The following MRTFB variants were observed in gnomAD, a reference collection of about 807,000 sequenced individuals.
The protein encoded by MRTFB is myocardin-related transcription factor B.
In MRTFB, 29 loss-of-function variants were observed where a neutral mutation model predicts 104.2. The observed-to-expected ratio is 0.28, with a 90% CI of 0.21 to 0.38. The LOEUF (loss-of-function observed/expected upper bound fraction) is 0.38. MRTFB is among the 10% of genes least tolerant of loss of function. MRTFB has a pLI of 1.00. For synonymous variants in MRTFB, 535 were observed against 519.5 expected (o/e 1.03, Z -0.41); for missense variants, 1,270 against 1,341.6 (o/e 0.95, Z 0.83).
the MRTFB span, among the ~76,000 whole-genome samples, chr16:14,036,535 A>T: frequency 8.7e-5 from 13 of 148,834 alleles, no homozygotes; most frequent in African/African-American, 2.7e-4. Flanking sequence ...TGTTGAAATT[A>T]TACATTCCAT....
intron 2 of MRTFB, among the ~76,000 whole-genome samples, chr16:14,140,305 G>T (rs751684285): frequency 1.3e-5 from 2 of 151,998 alleles, no homozygotes; most frequent in African/African-American, 2.4e-5. Context: ...TTAATCTGTG[G>T]TATTAAAAAA....
chr16:14,258,162 G>T lies in MRTFB; in HGVS notation c.2764+1G>T. 6.2e-7 allele frequency: 1 copy of T among 1,613,484 alleles called. No homozygotes were observed. Among genetic ancestry groups the T allele is most frequent in the Non-Finnish European group, 8.5e-7 (1 of 1,179,530 alleles). On this transcript the variant is annotated splice_donor_variant, in intron 16 of 16. Coordinates refer to ENST00000571589, the MANE Select transcript of MRTFB (RefSeq NM_001308142.2). LOFTEE classifies it high-confidence loss of function. The stretch of plus-strand genomic sequence containing the variant: ...TTTGATATCCTCATTAAGAGTGGAG[G>T]TAAGTCAAAAGTCACATCAGATCCT...
rs1254812294 is a variant in MRTFB, at chr16:14,074,423, C to CA, written c.-129+3062dup. 8.5e-5 allele frequency among the ~76,000 whole-genome samples: 13 copies of CA among 152,172 alleles called. No individual in the cohort carries two copies. In the South Asian group the frequency reaches 2.3e-3, roughly 27 times the overall value. On this transcript the variant is annotated intron_variant, in intron 1 of 16. Transcript: ENST00000571589. ...CATAGGGGATAGATTGTTGAATGGA[C>CA]AAAAGTTCATGCTTTTATGAAGTTT...
intron 2 of MRTFB, among the ~76,000 whole-genome samples, chr16:14,127,930 T>TATATATATATATATATATATATATA (rs1491428460): frequency 3.2e-5 from 1 of 31,680 alleles, no homozygotes. Flanking sequence ...TATATATATA[T>TATATATATATATATATATATATATA]TTTTTTTTTT....
the MRTFB span, among the ~76,000 whole-genome samples, chr16:14,058,225 C>T: frequency 4.6e-5 from 7 of 152,222 alleles, no homozygotes; most frequent in East Asian, 9.6e-4. Context: ...GAACTCATTT[C>T]GCGAATTCCA....
intron 2 of MRTFB, among the ~76,000 whole-genome samples, chr16:14,104,794 G>A (rs1034810273): frequency 1.3e-5 from 2 of 152,164 alleles, no homozygotes; most frequent in East Asian, 3.8e-4. Context: ...CATTTTCACG[G>A]AATAGCTATT....
intron 6 of MRTFB, among the ~76,000 whole-genome samples, 183 bp downstream of exon 6, chr16:14,213,803 C>G (rs760470203): frequency 5.9e-5 from 9 of 152,164 alleles, no homozygotes; most frequent in African/African-American, 9.7e-5. Context: ...AGGTTTGATT[C>G]TTCACATAAC....
chr16:14,171,939 GTCCT>G (rs760823183), intron 3 of MRTFB, among the ~76,000 whole-genome samples: 3 of 152,104 alleles, frequency 2.0e-5, no homozygotes, highest in South Asian at 4.1e-4. Context: ...GGTTGATTCT[GTCCT>G]TCCTTCAGCA....
chr16:14,118,765 A>C (rs182177437), intron 2 of MRTFB, among the ~76,000 whole-genome samples: 8 of 152,010 alleles, frequency 5.3e-5, no homozygotes, highest in Admixed American at 3.3e-4. Context: ...ACACATATAT[A>C]TATAAACTAT....
intron 3 of MRTFB, among the ~76,000 whole-genome samples, chr16:14,185,115 T>C (rs1194260503): frequency 6.6e-6 from 1 of 152,216 alleles, no homozygotes; most frequent in Non-Finnish European, 1.5e-5. Flanking sequence ...AACAGAACGT[T>C]TGAGGGCATT....
chr16:14,204,682 T>C (rs2040863507), intron 3 of MRTFB, among the ~76,000 whole-genome samples: 1 of 152,206 alleles, frequency 6.6e-6, no homozygotes, highest in Non-Finnish European at 1.5e-5. Context: ...AAACTGTAAA[T>C]GTTAGCCCTA....
At chr16:14,231,159 G>A (rs1358378599) in intron 8 of MRTFB, among the ~76,000 whole-genome samples, 1 of 151,368 alleles carries the variant, frequency 6.6e-6, no homozygotes, top group Admixed American at 6.6e-5. Flanking sequence ...GGGAGGGATA[G>A]CATTAGGAGA....
At chr16:14,004,058 G>T in the MRTFB span, among the ~76,000 whole-genome samples, 1 of 149,106 alleles carries the variant, frequency 6.7e-6, no homozygotes, top group Non-Finnish European at 1.5e-5. Flanking sequence ...GGTTTTGGCA[G>T]CAGAATGGAG....
chr16:14,073,720 T>TA (rs1345845963), intron 1 of MRTFB, among the ~76,000 whole-genome samples: 1 of 152,252 alleles, frequency 6.6e-6, no homozygotes, highest in Non-Finnish European at 1.5e-5. Context: ...AAATAAGTCT[T>TA]AGTTAAGTAT....
At chr16:14,049,922 G>A in the MRTFB span, among the ~76,000 whole-genome samples, 11 of 152,134 alleles carry the variant, frequency 7.2e-5, no homozygotes, top group Admixed American at 6.6e-5. Context: ...TAGTAGAGAC[G>A]GGGTTTCACC....
chr16:14,251,032 T>C (rs76049394), intron 13 of MRTFB, among the ~76,000 whole-genome samples: 1 of 151,898 alleles, frequency 6.6e-6, no homozygotes, highest in South Asian at 2.1e-4. Context: ...GGGAGCAAGG[T>C]TGGAAGTAGA....
At chr16:14,195,657 C>T in intron 3 of MRTFB, 1 of 682,792 alleles carries the variant, frequency 1.5e-6, no homozygotes, top group Admixed American at 6.3e-5. Context: ...AGAGAGCCCA[C>T]CTTACGCATT....
intron 2 of MRTFB, among the ~76,000 whole-genome samples, chr16:14,133,813 TA>T (rs759085188): frequency 6.8e-4 from 104 of 152,346 alleles, no homozygotes; most frequent in South Asian, 5.4e-3. Context: ...CATCCTTGCT[TA>T]AAATTAATCC....
At chr16:14,150,204 G>C (rs1399818994) in intron 3 of MRTFB, among the ~76,000 whole-genome samples, 1 of 152,216 alleles carries the variant, frequency 6.6e-6, no homozygotes, top group Admixed American at 6.5e-5. Context: ...TATCTGCAAA[G>C]TGGGGATCAC....
Sources: allele counts gnomAD v4.1 joint callset (sites outside exome capture counted in the v4.1 genomes callset), GRCh38; gene constraint gnomAD v4.1.1; transcripts MANE v1.5; gene names NCBI Gene and HGNC (gene_info 2026-07-23, HGNC 2026-07-21).